The following CHRM2 variants were observed in gnomAD, a reference collection of about 807,000 sequenced individuals.
CHRM2 encodes the protein muscarinic acetylcholine receptor M2.
In CHRM2, 8 loss-of-function variants were observed where a neutral mutation model predicts 25.0. The observed-to-expected ratio is 0.32, with a 90% CI of 0.19 to 0.58. CHRM2 has a LOEUF of 0.58. Among genes scored for constraint, CHRM2 ranks in the 20% least tolerant of loss-of-function variants. The probability of loss-of-function intolerance (pLI) is 0.88; values close to 1 mark genes in which losing one functional copy is unlikely to be tolerated. For missense variants in CHRM2, 440 were observed against 567.1 expected (o/e 0.78, Z 2.28); for synonymous variants, 202 against 205.7 (o/e 0.98, Z 0.15).
At chr7:136,944,567 G>A (rs1275021367) in intron 2 of CHRM2, among the ~76,000 whole-genome samples, 2 of 151,782 alleles carry the variant, frequency 1.3e-5, no homozygotes, top group African/African-American at 4.8e-5. Flanking sequence ...TTATCCACTG[G>A]TTGATTGATG....
In CHRM2 at chr7:136,956,828, T is replaced by C. The variant is rs1800751036; in HGVS notation, c.-124-35359T>C. 3.1e-4 allele frequency among the ~76,000 whole-genome samples: 6 copies of C among 19,098 alleles called. No individual in the cohort carries two copies. The South Asian group carries it at 5.4e-3, about 17-fold the overall frequency. 12.5% of individuals were successfully genotyped at this position (19,098 alleles called of 152,430 possible). On this transcript the variant is annotated intron_variant, in intron 2 of 3. Transcript: ENST00000680005. ...GAGGGGGAATGGGATCATATGAAGG[T>C]TTTTTTTTTCCTCTCTCTCTTATTA...
intron 2 of CHRM2, among the ~76,000 whole-genome samples, chr7:136,895,647 G>T (rs929708400): frequency 6.6e-6 from 1 of 152,068 alleles, no homozygotes; most frequent in Non-Finnish European, 1.5e-5. Context: ...TTTTTTGGTT[G>T]CAATGGCAAG....
intron 2 of CHRM2, among the ~76,000 whole-genome samples, chr7:136,889,600 T>C (rs1258256631): frequency 3.9e-5 from 6 of 152,312 alleles, no homozygotes; most frequent in Non-Finnish European, 8.8e-5. Flanking sequence ...TTTCTTCATT[T>C]CTAAAATGTG....
chr7:136,892,671 CTTTT>C (rs5887814), intron 2 of CHRM2, among the ~76,000 whole-genome samples: 3 of 140,208 alleles, frequency 2.1e-5, no homozygotes, highest in Non-Finnish European at 1.5e-5. Flanking sequence ...ATTAAAAGTT[CTTTT>C]TTTTTTTTTT....
At position 136,923,279 on chromosome 7, in the gene CHRM2, C is replaced by T. The variant is rs192819452; in HGVS notation, c.-125+53861C>T. Among the ~76,000 whole-genome samples the T allele has an allele frequency of 1.6e-3, 210 of 129,084 alleles. 2 individuals are homozygous for T. The highest frequency in any genetic ancestry group is 2.3e-3 in the Admixed American group (30 of 12,838). 84.7% of individuals were successfully genotyped at this position (129,084 alleles called of 152,430 possible). A position where few individuals can be genotyped will look rare whatever the true frequency, so the allele number is the denominator to read the frequency against. On this transcript the variant is annotated intron_variant, in intron 2 of 3. Transcript: ENST00000680005. Reference sequence around the variant, plus strand: ...TTATTAGCTTTTTTTTTTTTTTTTCCTACTGTGGTCAGTAAAGATGTGAAA... The same window carrying T: ...TTATTAGCTTTTTTTTTTTTTTTTCTTACTGTGGTCAGTAAAGATGTGAAA...
At chr7:136,917,072 T>C (rs1166561542) in intron 2 of CHRM2, among the ~76,000 whole-genome samples, 2 of 152,068 alleles carry the variant, frequency 1.3e-5, no homozygotes, top group African/African-American at 4.8e-5. Flanking sequence ...CAACTCCTTT[T>C]TGCAAATAAG....
chr7:136,924,143 C>T (rs1798602865), intron 2 of CHRM2, among the ~76,000 whole-genome samples: 1 of 152,126 alleles, frequency 6.6e-6, no homozygotes, highest in Non-Finnish European at 1.5e-5. Context: ...ACATATGTTT[C>T]CTAAGAAACA....
chr7:136,956,577 T>A (rs1238299815), intron 2 of CHRM2, among the ~76,000 whole-genome samples: 1 of 152,174 alleles, frequency 6.6e-6, no homozygotes, highest in Non-Finnish European at 1.5e-5. Context: ...AGGAAGCCTC[T>A]ACCCACATTT....
At chr7:136,914,840 G>A (rs1468060854) in intron 2 of CHRM2, among the ~76,000 whole-genome samples, 1 of 151,922 alleles carries the variant, frequency 6.6e-6, no homozygotes, top group East Asian at 1.9e-4. Context: ...ACAAATGTTT[G>A]TTATTATAAT....
chr7:136,954,880 C>T (rs1407078706), intron 2 of CHRM2, among the ~76,000 whole-genome samples: 1 of 152,168 alleles, frequency 6.6e-6, no homozygotes. Flanking sequence ...TGGGAGATCA[C>T]TATAGATTGT....
chr7:137,008,565 G>C (rs1804601870), intron 3 of CHRM2, among the ~76,000 whole-genome samples: 1 of 151,942 alleles, frequency 6.6e-6, no homozygotes, highest in South Asian at 2.1e-4. Flanking sequence ...TGCTACTTTT[G>C]AGATCTTAAT....
chr7:136,949,998 A>G (rs1800308507), intron 2 of CHRM2, among the ~76,000 whole-genome samples: 2 of 152,126 alleles, frequency 1.3e-5, no homozygotes, highest in Non-Finnish European at 2.9e-5. Context: ...ATTTATTCAC[A>G]TTCTTTCCAT....
intron 2 of CHRM2, among the ~76,000 whole-genome samples, chr7:136,916,814 T>A (rs1352554539): frequency 6.7e-6 from 1 of 150,172 alleles, no homozygotes; most frequent in Non-Finnish European, 1.5e-5. Context: ...TGACAATTTA[T>A]TCTATCATTC....
chr7:136,888,326 A>G (rs1474794589), intron 2 of CHRM2, among the ~76,000 whole-genome samples: 1 of 152,082 alleles, frequency 6.6e-6, no homozygotes, highest in South Asian at 2.1e-4. Context: ...GTCCCTGCCC[A>G]TTGCTGCGCT....
intron 2 of CHRM2, among the ~76,000 whole-genome samples, chr7:136,959,990 C>A (rs1800971612): frequency 6.6e-6 from 1 of 152,108 alleles, no homozygotes; most frequent in South Asian, 2.1e-4. Flanking sequence ...ATAGTACAGC[C>A]TCATACAGTG....
intron 2 of CHRM2, among the ~76,000 whole-genome samples, chr7:136,914,880 T>C (rs1274806132): frequency 1.3e-5 from 2 of 151,968 alleles, no homozygotes; most frequent in African/African-American, 4.8e-5. Context: ...GAATGGCAAA[T>C]TAACTCTTAA....
chr7:137,006,296 A>C (rs1804420644), intron 3 of CHRM2, among the ~76,000 whole-genome samples: 1 of 152,118 alleles, frequency 6.6e-6, no homozygotes, highest in Non-Finnish European at 1.5e-5. Context: ...TGAACGAATT[A>C]ATGAAAAGGT....
chr7:137,001,998 A>G (rs1426856127), intron 3 of CHRM2, among the ~76,000 whole-genome samples: 1 of 152,194 alleles, frequency 6.6e-6, no homozygotes, highest in Non-Finnish European at 1.5e-5. Context: ...GAATGAATAC[A>G]TATGTAGAAG....
At chr7:136,915,429 T>C (rs990104787) in intron 2 of CHRM2, among the ~76,000 whole-genome samples, 1 of 151,868 alleles carries the variant, frequency 6.6e-6, no homozygotes, top group Non-Finnish European at 1.5e-5. Flanking sequence ...CTAATTTACC[T>C]TCCTTGAATT....
Sources: allele counts gnomAD v4.1 joint callset (sites outside exome capture counted in the v4.1 genomes callset), GRCh38; gene constraint gnomAD v4.1.1; transcripts MANE v1.5; gene names NCBI Gene and HGNC (gene_info 2026-07-23, HGNC 2026-07-21).